The following COL4A4 variants were observed in gnomAD, a reference collection of about 807,000 sequenced individuals.
COL4A4 encodes collagen alpha-4(IV) chain.
A neutral mutation model predicts 192.9 loss-of-function variants in COL4A4; 105 were observed. That is an observed-to-expected ratio of 0.54 (90% confidence interval 0.46 to 0.64). COL4A4 has a LOEUF of 0.64. COL4A4 is among the 30% of genes least tolerant of loss of function. The probability of loss-of-function intolerance (pLI) is 0.00; values close to 1 mark genes in which losing one functional copy is unlikely to be tolerated. For synonymous variants in COL4A4, 762 were observed against 769.9 expected (o/e 0.99, Z 0.17); for missense variants, 1,967 against 2,169.3 (o/e 0.91, Z 1.85).
intron 37 of COL4A4, among the ~76,000 whole-genome samples, chr2:227,034,945 G>A (rs1044141394): frequency 6.6e-6 from 1 of 151,708 alleles, no homozygotes; most frequent in African/African-American, 2.4e-5. Context: ...AGAGCCTCTC[G>A]GTGCACAGCC....
At chr2:227,049,264 G>C (rs1164445319) in intron 34 of COL4A4, among the ~76,000 whole-genome samples, 1 of 152,326 alleles carries the variant, frequency 6.6e-6, no homozygotes, top group East Asian at 1.9e-4. Flanking sequence ...AAGGGTTAAT[G>C]AAGCCTCTCT....
downstream of COL4A4, among the ~76,000 whole-genome samples, chr2:227,001,790 G>A (rs73087785): frequency 0.038 from 5,824 of 151,346 alleles, 376 homozygotes; most frequent in African/African-American, 0.13. Flanking sequence ...CATAGTAGAC[G>A]GTCAGGGAAT....
chr2:227,137,312 C>G (rs577456265), intron 4 of COL4A4, among the ~76,000 whole-genome samples: 1 of 152,172 alleles, frequency 6.6e-6, no homozygotes, highest in Admixed American at 6.5e-5. Context: ...CAAGTGGCAA[C>G]CCAAGTTTAC....
intron 10 of COL4A4, 28 bp downstream of exon 10, chr2:227,109,196 G>A (rs2150877534): frequency 2.5e-6 from 4 of 1,605,220 alleles, no homozygotes; most frequent in Non-Finnish European, 3.4e-6. Context: ...GGTTTTTAAA[G>A]GGATCACATC....
chr2:227,141,076 G>A (rs1170948880), intron 3 of COL4A4, among the ~76,000 whole-genome samples: 2 of 152,166 alleles, frequency 1.3e-5, no homozygotes, highest in Non-Finnish European at 2.9e-5. Flanking sequence ...CAATGAACAT[G>A]AGCACTGAGC....
Position 227,003,480 on chromosome 2 carries a change from A to G in COL4A4, c.*3845T>C, listed in dbSNP as rs1961451007. The stretch of plus-strand genomic sequence containing the variant: ...ACTCTCAAGTCCTCTTCTTTCCACT[A>G]TTCTTGCAGCCATACCAAGTAAAAG... On this transcript the variant is annotated 3_prime_UTR_variant, in exon 48 of 48. Coordinates refer to ENST00000396625, the MANE Select transcript of COL4A4 (RefSeq NM_000092.5). 6.6e-6 allele frequency: 1 copy of G among 152,228 alleles called. No homozygotes were observed. The highest frequency in any genetic ancestry group is 1.5e-5 in the Non-Finnish European group (1 of 68,032). The allele number at this position is 152,228 out of a possible 1,614,324, so 9.4% of individuals were successfully genotyped here.
chr2:227,027,961 G>A lies in COL4A4; in HGVS notation c.4022C>T (p.Pro1341Leu). ...TCCAGGTAAACCCTTCTCTCCAGGT[G>A]GCCCAGGAAATCCATGTGGTCCCTG... ...GPQGPHGFPG[P>L]PGEKGLPGPP... The change falls in exon 42 of 48, where the codon CCA becomes CTA. Residue 1341 changes from proline (P) to leucine (L), a missense_variant. Transcript: ENST00000396625. 2 of 1,613,794 alleles carry A rather than the reference G, an allele frequency of 1.2e-6. No homozygotes were observed. Among genetic ancestry groups the A allele is most frequent in the Non-Finnish European group, 1.7e-6 (2 of 1,179,820 alleles).
intron 44 of COL4A4, among the ~76,000 whole-genome samples, chr2:227,018,225 C>CTTTTG (rs553521832): frequency 2.6e-4 from 40 of 152,246 alleles, no homozygotes; most frequent in African/African-American, 6.3e-4. Flanking sequence ...ACTTGCAACT[C>CTTTTG]TTTTGTTTTG....
chr2:227,000,294 T>TAACA (rs1960602681), downstream of COL4A4, among the ~76,000 whole-genome samples: 1 of 152,228 alleles, frequency 6.6e-6, no homozygotes, highest in South Asian at 2.1e-4. Flanking sequence ...ATCTACATTT[T>TAACA]AACAGGTCCC....
At chr2:227,020,880 C>CTTTTCTTT (rs1965873779) in intron 44 of COL4A4, among the ~76,000 whole-genome samples, 3 of 127,598 alleles carry the variant, frequency 2.4e-5, no homozygotes, top group South Asian at 2.5e-4. Context: ...ACACTTTTTT[C>CTTTTCTTT]TTTTTTTTTT....
intron 44 of COL4A4, among the ~76,000 whole-genome samples, chr2:227,015,957 T>C (rs1016776246): frequency 1.3e-4 from 20 of 152,254 alleles, no homozygotes; most frequent in African/African-American, 4.1e-4. Flanking sequence ...AAAGTTTTTT[T>C]CTTCCCCTTC....
At chr2:227,112,797 A>C (rs1057221393) in intron 8 of COL4A4, among the ~76,000 whole-genome samples, 3 of 152,180 alleles carry the variant, frequency 2.0e-5, no homozygotes, top group African/African-American at 7.2e-5. Flanking sequence ...CTATTTTTCT[A>C]TATAAGTGAA....
chr2:227,082,209 C>T, intron 22 of COL4A4, 22 bp from the exon 23 acceptor site: 1 of 1,596,670 alleles, frequency 6.3e-7, no homozygotes, highest in Non-Finnish European at 8.6e-7. Flanking sequence ...ATAAGAGAAA[C>T]AAATTAGGTT....
Position 227,007,283 on chromosome 2 carries a change from A to G in COL4A4, c.*42T>C. 1 of 1,613,694 alleles carries G rather than the reference A, an allele frequency of 6.2e-7. No homozygotes were observed. The highest frequency in any genetic ancestry group is 8.5e-7 in the Non-Finnish European group (1 of 1,179,770). Reference sequence around the variant, plus strand: ...ACAGTCTAGGAAGTCTTAGCCCCCTAGGAAGTTTCTCTTGGCCACGTGTTG... The same window carrying G: ...ACAGTCTAGGAAGTCTTAGCCCCCTGGGAAGTTTCTCTTGGCCACGTGTTG... On this transcript the variant is annotated 3_prime_UTR_variant, in exon 48 of 48. Coordinates refer to ENST00000396625, the MANE Select transcript of COL4A4 (RefSeq NM_000092.5).
At chr2:227,080,949 T>C (rs564982052) in intron 23 of COL4A4, among the ~76,000 whole-genome samples, 1 of 152,298 alleles carries the variant, frequency 6.6e-6, no homozygotes, top group South Asian at 2.1e-4. Flanking sequence ...AAAGCAGGGC[T>C]CTCTTCATCT....
chr2:227,001,129 C>G (rs1960862988), downstream of COL4A4, among the ~76,000 whole-genome samples: 3 of 150,722 alleles, frequency 2.0e-5, no homozygotes, highest in South Asian at 2.1e-4. Context: ...GAGTCTCGCT[C>G]TGTTGCCCAG....
intron 4 of COL4A4, among the ~76,000 whole-genome samples, chr2:227,135,241 C>A (rs1326711768): frequency 7.6e-6 from 1 of 132,082 alleles, no homozygotes; most frequent in Non-Finnish European, 1.8e-5. Flanking sequence ...GGGGACCAAC[C>A]AGCCCCCTCT....
the COL4A4 span, among the ~76,000 whole-genome samples, chr2:226,990,842 C>T: frequency 4.6e-5 from 7 of 152,126 alleles, no homozygotes; most frequent in African/African-American, 1.4e-4. Context: ...GGCTGACCTC[C>T]ATTGACAAAA....
rs553793831 is a variant in COL4A4 at position 227,055,781 on chromosome 2, G to A, written c.2716+164C>T. Among the ~76,000 whole-genome samples the A allele has an allele frequency of 3.6e-4, 55 of 152,270 alleles. 3 individuals carry two copies. The Middle Eastern group carries it at 0.024, about 66-fold the overall frequency. On this transcript the variant is annotated intron_variant, in intron 30 of 47. Coordinates refer to ENST00000396625, the MANE Select transcript of COL4A4 (RefSeq NM_000092.5). ...CCGGTACAGAAACATTTCGCCACTG[G>A]AAATAACGATACAGAGGACAAGAGC...
Sources: gnomAD v4.1 joint callset for allele counts (sites outside exome capture counted in the v4.1 genomes callset) on GRCh38, gnomAD v4.1.1 for gene constraint, MANE v1.5 for transcripts, NCBI Gene and HGNC (gene_info 2026-07-23, HGNC 2026-07-21) for gene names.